The following SOX5 variants were observed in gnomAD, a reference collection of about 807,000 sequenced individuals.
SOX5 encodes the protein transcription factor SOX-5.
A neutral mutation model predicts 92.0 loss-of-function variants in SOX5; 9 were observed. The observed-to-expected ratio is 0.10, with a 90% CI of 0.06 to 0.17. The LOEUF (loss-of-function observed/expected upper bound fraction) is 0.17, where lower values mean the gene tolerates loss of function less well. SOX5 is among the 10% of genes least tolerant of loss of function. The pLI, the probability that SOX5 is intolerant of heterozygous loss-of-function variation, is 1.00. For synonymous variants in SOX5, 344 were observed against 336.3 expected, an observed-to-expected ratio of 1.02 and a Z score of -0.25; for missense variants, 642 against 944.5, an observed-to-expected ratio of 0.68 and a Z score of 4.20.
At position 23,780,156 on chromosome 12, in the gene SOX5, T is replaced by G. The variant is rs114815961; in HGVS notation, c.482-24432A>C. 8.4e-3 allele frequency among the ~76,000 whole-genome samples: 1,279 copies of G among 152,126 alleles called. 14 individuals carry two copies. The highest frequency in any genetic ancestry group is 0.029 in the African/African-American group (1,208 of 41,518). On this transcript the variant is annotated intron_variant, in intron 3 of 14. Coordinates refer to ENST00000451604, the MANE Select transcript of SOX5 (RefSeq NM_006940.6). ...TGCAATCTGAATACTGGACATTTTA[T>G]GTACTAGAGGTAAAATGTCTAATAA...
intron 2 of SOX5, among the ~76,000 whole-genome samples, chr12:23,873,118 CT>C (rs1454635335): frequency 6.6e-6 from 1 of 152,136 alleles, no homozygotes; most frequent in African/African-American, 2.4e-5. Context: ...AGCAAAAATA[CT>C]TTTTTTCACT....
chr12:24,481,480 C>T (rs572735256), intron 1 of SOX5, among the ~76,000 whole-genome samples: 2 of 152,234 alleles, frequency 1.3e-5, no homozygotes, highest in East Asian at 3.9e-4. Context: ...CCCCATTTTC[C>T]ATGATGTGAT....
chr12:24,102,270 T>C (rs1379454265), intron 4 of SOX5, among the ~76,000 whole-genome samples: 5 of 152,148 alleles, frequency 3.3e-5, no homozygotes, highest in African/African-American at 1.2e-4. Context: ...GGCAGTGGGA[T>C]TGTTGATAAT....
intron 1 of SOX5, among the ~76,000 whole-genome samples, chr12:24,537,731 C>G (rs931318567): frequency 6.6e-6 from 1 of 152,218 alleles, no homozygotes; most frequent in African/African-American, 2.4e-5. Context: ...GCCATTTCAT[C>G]TAGTCACAGT....
chr12:24,179,968 T>C (rs1955292084), intron 4 of SOX5, among the ~76,000 whole-genome samples: 1 of 151,380 alleles, frequency 6.6e-6, no homozygotes, highest in African/African-American at 2.4e-5. Flanking sequence ...AAAGAAAAGT[T>C]ATGGGACCTC....
At chr12:23,810,090 T>C (rs895063317) in intron 3 of SOX5, among the ~76,000 whole-genome samples, 8 of 152,172 alleles carry the variant, frequency 5.3e-5, no homozygotes, top group African/African-American at 1.9e-4. Flanking sequence ...GTAACTATTG[T>C]TTCTGGAAAC....
chr12:23,739,865 T>A (rs925309115), intron 5 of SOX5, among the ~76,000 whole-genome samples: 1 of 152,246 alleles, frequency 6.6e-6, no homozygotes, highest in Non-Finnish European at 1.5e-5. Flanking sequence ...CTTATTATCC[T>A]GTTTATATTT....
intron 3 of SOX5, among the ~76,000 whole-genome samples, chr12:24,263,118 C>T (rs1942416602): frequency 6.6e-6 from 1 of 151,868 alleles, no homozygotes; most frequent in African/African-American, 2.4e-5. Flanking sequence ...CCCAGCTACT[C>T]AAGAGGCTGA....
intron 1 of SOX5, among the ~76,000 whole-genome samples, chr12:23,899,581 A>C (rs965821872): frequency 2.6e-5 from 4 of 152,214 alleles, no homozygotes; most frequent in Non-Finnish European, 4.4e-5. Context: ...TAGGCTTACC[A>C]ATGAACAAAA....
chr12:23,739,764 C>T (rs2093729569), intron 5 of SOX5, among the ~76,000 whole-genome samples: 2 of 152,186 alleles, frequency 1.3e-5, no homozygotes, highest in Admixed American at 1.3e-4. Context: ...TTTTGTATGT[C>T]ATTTAGATCC....
At chr12:24,210,641 TATATCA>T (rs1958505200) in intron 4 of SOX5, among the ~76,000 whole-genome samples, 1 of 152,192 alleles carries the variant, frequency 6.6e-6, no homozygotes, top group African/African-American at 2.4e-5. Flanking sequence ...TTAAATATTA[TATATCA>T]TTATCATTAA....
intron 1 of SOX5, among the ~76,000 whole-genome samples, chr12:24,526,676 C>A (rs2970421): frequency 8.1e-4 from 124 of 152,260 alleles, no homozygotes; most frequent in Middle Eastern, 3.4e-3. Context: ...CTGGGCCCAG[C>A]ACGTGCTACT....
intron 4 of SOX5, among the ~76,000 whole-genome samples, chr12:24,195,100 C>T (rs1203926734): frequency 2.1e-5 from 3 of 144,428 alleles, no homozygotes; most frequent in Non-Finnish European, 4.5e-5. Context: ...AAACATAAAG[C>T]AATTATCTAC....
At chr12:23,991,349 AT>A (rs1950541092) in intron 4 of SOX5, among the ~76,000 whole-genome samples, 1 of 148,540 alleles carries the variant, frequency 6.7e-6, no homozygotes, top group South Asian at 2.1e-4. Flanking sequence ...AACAAAAAAA[AT>A]ATATATATAT....
At chr12:24,160,147 C>G (rs889073250) in intron 4 of SOX5, among the ~76,000 whole-genome samples, 1 of 151,874 alleles carries the variant, frequency 6.6e-6, no homozygotes, top group Admixed American at 6.6e-5. Context: ...ATAAAACTGT[C>G]AAAGGTATTT....
chr12:23,647,660 T>G (rs915088056), intron 7 of SOX5, among the ~76,000 whole-genome samples: 3 of 152,252 alleles, frequency 2.0e-5, no homozygotes, highest in Admixed American at 6.5e-5. Context: ...CAGCACTTGC[T>G]GTTTCATCTT....
rs550320777 is a variant in SOX5 at position 23,577,178 on chromosome 12, T to C, written c.1165-1340A>G. 4.6e-3 allele frequency among the ~76,000 whole-genome samples: 286 copies of C among 61,896 alleles called. 1 individual carries two copies. Among genetic ancestry groups the C allele is most frequent in the African/African-American group, 0.012 (213 of 17,368 alleles). The allele number at this position is 61,896 out of a possible 152,430, so 40.6% of individuals were successfully genotyped here. ...ACACACACACACACACACACACACA[T>C]ATATATATATATATTTTTTTTTTTT... On this transcript the variant is annotated intron_variant, in intron 9 of 14. Transcript: ENST00000451604.
chr12:23,882,904 G>A (rs112812972), intron 2 of SOX5, among the ~76,000 whole-genome samples: 7 of 152,166 alleles, frequency 4.6e-5, no homozygotes, highest in African/African-American at 1.2e-4. Context: ...ATGATAGGGC[G>A]GGCGTGGTGG....
At chr12:24,453,425 T>C (rs1386528775) in intron 1 of SOX5, among the ~76,000 whole-genome samples, 3 of 152,212 alleles carry the variant, frequency 2.0e-5, no homozygotes, top group South Asian at 2.1e-4. Flanking sequence ...AGCTTAATAC[T>C]TAGGTAAAAT....
Sources: allele counts gnomAD v4.1 joint callset (sites outside exome capture counted in the v4.1 genomes callset), GRCh38; gene constraint gnomAD v4.1.1; transcripts MANE v1.5; gene names NCBI Gene and HGNC (gene_info 2026-07-23, HGNC 2026-07-21).